NUDCD1: variants seen among roughly 807,000 people sequenced by gnomAD.
NUDCD1 encodes NudC domain containing 1.
Under a neutral mutation model 67.8 loss-of-function variants are expected in NUDCD1, and 60 were observed. The observed-to-expected ratio is 0.88, with a 90% CI of 0.72 to 1.10. NUDCD1 has a LOEUF of 1.10. Among genes scored for constraint, NUDCD1 ranks in the 50% least tolerant of loss-of-function variants. NUDCD1 has a pLI of 0.00. For missense variants in NUDCD1, 643 were observed against 695.0 expected, an observed-to-expected ratio of 0.93 and a Z score of 0.84; for synonymous variants, 244 against 230.8, an observed-to-expected ratio of 1.06 and a Z score of -0.52.
chr8:109,306,051 C>T (rs1337467340), intron 2 of NUDCD1, among the ~76,000 whole-genome samples: 1 of 152,180 alleles, frequency 6.6e-6, no homozygotes, highest in African/African-American at 2.4e-5. Flanking sequence ...ACTTGGACTG[C>T]ACCCCGAAAA....
intron 2 of NUDCD1, among the ~76,000 whole-genome samples, chr8:109,305,949 C>T (rs1307629354): frequency 6.6e-6 from 1 of 152,158 alleles, no homozygotes; most frequent in Non-Finnish European, 1.5e-5. Context: ...ACAGTAATAA[C>T]CCTTATAAGC....
intron 6 of NUDCD1, among the ~76,000 whole-genome samples, chr8:109,280,427 G>A (rs1401907746): frequency 2.6e-5 from 4 of 152,106 alleles, no homozygotes; most frequent in East Asian, 1.9e-4. Context: ...GATTACAGGC[G>A]TGAGCCACTG....
intron 8 of NUDCD1, among the ~76,000 whole-genome samples, chr8:109,252,726 G>A (rs1325769801): frequency 6.6e-6 from 1 of 152,152 alleles, no homozygotes; most frequent in African/African-American, 2.4e-5. Flanking sequence ...GTGAACCAGT[G>A]TCCCTATCTC....
intron 8 of NUDCD1, among the ~76,000 whole-genome samples, chr8:109,269,423 A>G (rs1315190315): frequency 1.3e-5 from 2 of 152,238 alleles, no homozygotes; most frequent in East Asian, 3.9e-4. Context: ...CAGCCATTAA[A>G]TAAAGCTGGT....
intron 1 of NUDCD1, among the ~76,000 whole-genome samples, chr8:109,333,093 A>G (rs929489710): frequency 6.6e-6 from 1 of 152,220 alleles, no homozygotes; most frequent in African/African-American, 2.4e-5. Context: ...TACTCGGTAA[A>G]TATTTCTGAA....
chr8:109,263,332 A>AG (rs1813915812), intron 8 of NUDCD1, among the ~76,000 whole-genome samples: 1 of 152,150 alleles, frequency 6.6e-6, no homozygotes, highest in African/African-American at 2.4e-5. Flanking sequence ...TGATCATTAT[A>AG]GCAGATTCAA....
At chr8:109,243,366 T>A in intron 9 of NUDCD1, 65 bp from the exon 10 acceptor site, 5 of 1,234,198 alleles carry the variant, frequency 4.1e-6, no homozygotes, top group Non-Finnish European at 5.6e-6. Context: ...AAAATGATGA[T>A]TTAACATTTA....
chr8:109,250,580 C>G (rs1813600186), intron 8 of NUDCD1, among the ~76,000 whole-genome samples: 2 of 152,132 alleles, frequency 1.3e-5, no homozygotes, highest in Admixed American at 1.3e-4. Flanking sequence ...GTAGCAGAAG[C>G]CTTCAGTCTT....
intron 8 of NUDCD1, among the ~76,000 whole-genome samples, chr8:109,263,241 G>C (rs1813914037): frequency 6.6e-6 from 1 of 151,936 alleles, no homozygotes; most frequent in Non-Finnish European, 1.5e-5. Context: ...TTTGCATAAT[G>C]AACAACCTTA....
intron 3 of NUDCD1, among the ~76,000 whole-genome samples, chr8:109,294,907 T>G (rs1457092679): frequency 6.6e-6 from 1 of 152,038 alleles, no homozygotes; most frequent in Non-Finnish European, 1.5e-5. Context: ...AAAACCCTCC[T>G]GAATTGTTTC....
intron 2 of NUDCD1, among the ~76,000 whole-genome samples, chr8:109,320,292 A>G (rs1815504127): frequency 1.3e-5 from 2 of 152,184 alleles, no homozygotes; most frequent in Admixed American, 1.3e-4. Context: ...CTCGACCATA[A>G]GAGACGACCA....
At chr8:109,320,294 A>G (rs181948098) in intron 2 of NUDCD1, among the ~76,000 whole-genome samples, 65 of 152,306 alleles carry the variant, frequency 4.3e-4, no homozygotes, top group African/African-American at 1.5e-3. Context: ...CGACCATAAG[A>G]GACGACCATG....
chr8:109,280,947 A>C (rs1193763748), intron 6 of NUDCD1, 21 bp downstream of exon 6: 1 of 1,135,016 alleles, frequency 8.8e-7, no homozygotes, highest in Middle Eastern at 2.8e-4. Flanking sequence ...AGAATATTAA[A>C]GTAAAATTAA....
intron 2 of NUDCD1, among the ~76,000 whole-genome samples, chr8:109,303,294 C>T (rs192026559): frequency 2.4e-3 from 365 of 152,274 alleles, no homozygotes; most frequent in Non-Finnish European, 4.1e-3. Context: ...TAACACTGCC[C>T]GATCGCCTTG....
chr8:109,250,100 C>T (rs971295010), intron 8 of NUDCD1, among the ~76,000 whole-genome samples: 2 of 152,060 alleles, frequency 1.3e-5, no homozygotes, highest in Non-Finnish European at 2.9e-5. Context: ...CTGCCTCAGC[C>T]TCCCAAAGTG....
At chr8:109,310,485 A>C (rs1399776447) in intron 2 of NUDCD1, among the ~76,000 whole-genome samples, 1 of 152,262 alleles carries the variant, frequency 6.6e-6, no homozygotes, top group Non-Finnish European at 1.5e-5. Flanking sequence ...TGGATTAAGG[A>C]CTTAAATCTA....
intron 5 of NUDCD1, among the ~76,000 whole-genome samples, chr8:109,283,277 G>T (rs918559986): frequency 2.0e-5 from 3 of 152,176 alleles, no homozygotes; most frequent in Non-Finnish European, 4.4e-5. Context: ...AATGAACAAA[G>T]TCTCTGAGAA....
At chr8:109,308,890 T>C (rs867222151) in intron 2 of NUDCD1, among the ~76,000 whole-genome samples, 1 of 149,750 alleles carries the variant, frequency 6.7e-6, no homozygotes, top group African/African-American at 2.5e-5. Context: ...GAGAATGGCA[T>C]GAACCCAGGA....
intron 8 of NUDCD1, among the ~76,000 whole-genome samples, chr8:109,256,484 T>A (rs1813742258): frequency 6.6e-6 from 1 of 152,116 alleles, no homozygotes; most frequent in Non-Finnish European, 1.5e-5. Context: ...CTACAGTGAG[T>A]TGCAGAAACT....
Sources: gnomAD v4.1 joint callset for allele counts (sites outside exome capture counted in the v4.1 genomes callset) on GRCh38, gnomAD v4.1.1 for gene constraint, MANE v1.5 for transcripts, NCBI Gene and HGNC (gene_info 2026-07-23, HGNC 2026-07-21) for gene names.